ESRRB: variants seen among roughly 807,000 people sequenced by gnomAD.
ESRRB encodes the protein steroid hormone receptor ERR2.
In ESRRB, 16 loss-of-function variants were observed where a neutral mutation model predicts 46.0. The observed-to-expected ratio is 0.35, with a 90% CI of 0.24 to 0.53. The LOEUF is 0.53. Ranked by LOEUF, ESRRB falls within the 20% of genes least tolerant of loss-of-function variation. The probability of loss-of-function intolerance (pLI) is 0.93; values close to 1 mark genes in which losing one functional copy is unlikely to be tolerated. For synonymous variants in ESRRB, 246 were observed against 259.6 expected, an observed-to-expected ratio of 0.95 and a Z score of 0.50; for missense variants, 488 against 607.4, an observed-to-expected ratio of 0.80 and a Z score of 2.07.
chr14:76,317,659 G>A (rs1486768951), intron 1 of ESRRB, among the ~76,000 whole-genome samples: 6 of 152,158 alleles, frequency 3.9e-5, no homozygotes, highest in South Asian at 2.1e-4. Context: ...CGCGGGCTCC[G>A]GTAGTCGGAA....
intron 2 of ESRRB, among the ~76,000 whole-genome samples, chr14:76,447,250 CTT>C (rs1888188073): frequency 4.4e-5 from 2 of 45,532 alleles, no homozygotes; most frequent in East Asian, 4.9e-4. Flanking sequence ...AGTCTCCTTC[CTT>C]CCTTCCTTCC....
intron 1 of ESRRB, among the ~76,000 whole-genome samples, chr14:76,339,761 C>T (rs1228113524): frequency 1.3e-5 from 2 of 152,122 alleles, no homozygotes; most frequent in Non-Finnish European, 2.9e-5. Flanking sequence ...GGGGGCTCTC[C>T]CAGCTGCCTG....
intron 1 of ESRRB, among the ~76,000 whole-genome samples, chr14:76,362,396 T>C (rs1002627874): frequency 1.3e-5 from 2 of 152,204 alleles, no homozygotes; most frequent in African/African-American, 2.4e-5. Flanking sequence ...TCATACCTGA[T>C]TTGAAATCCA....
At chr14:76,440,547 A>ACCTTCCTT (rs112136509) in intron 2 of ESRRB, among the ~76,000 whole-genome samples, 10,121 of 151,068 alleles carry the variant, frequency 0.067, 354 homozygotes, top group South Asian at 0.099. Context: ...TTTAAGACCG[A>ACCTTCCTT]CCTTCCTTCA....
At chr14:76,400,208 G>A (rs190730469) in intron 1 of ESRRB, among the ~76,000 whole-genome samples, 3 of 152,304 alleles carry the variant, frequency 2.0e-5, no homozygotes, top group Admixed American at 6.5e-5. Context: ...TGGGTACTTC[G>A]TGTACTGCCG....
chr14:76,334,671 C>T (rs922107983), intron 1 of ESRRB, among the ~76,000 whole-genome samples: 1 of 152,210 alleles, frequency 6.6e-6, no homozygotes, highest in African/African-American at 2.4e-5. Context: ...GCCCCGAAGA[C>T]ATTAAAGATG....
intron 2 of ESRRB, among the ~76,000 whole-genome samples, chr14:76,458,846 T>C (rs1888731793): frequency 6.8e-6 from 1 of 146,134 alleles, no homozygotes. Context: ...TCTCCTTTTT[T>C]TTTTTTTTTT....
At chr14:76,373,891 T>G (rs1884681271), upstream of ESRRB, among the ~76,000 whole-genome samples, 3 of 152,322 alleles carry the variant, frequency 2.0e-5, no homozygotes, top group South Asian at 6.2e-4. Context: ...GACCCCACTT[T>G]CTCCTCATTT....
chr14:76,469,929 G>GTTTTTTTTTTTTTT (rs769935944), intron 3 of ESRRB, among the ~76,000 whole-genome samples: 21 of 78,718 alleles, frequency 2.7e-4, no homozygotes, highest in South Asian at 9.8e-4. Flanking sequence ...GTTTTTTGTT[G>GTTTTTTTTTTTTTT]TTTTTTTTTT....
At chr14:76,343,652 G>A (rs888524713) in intron 1 of ESRRB, among the ~76,000 whole-genome samples, 9 of 152,214 alleles carry the variant, frequency 5.9e-5, no homozygotes, top group African/African-American at 1.9e-4. Flanking sequence ...GCCCCTCCAC[G>A]GGGCTGCTTG....
At chr14:76,357,967 G>A (rs1365813094) in intron 1 of ESRRB, among the ~76,000 whole-genome samples, 2 of 152,056 alleles carry the variant, frequency 1.3e-5, no homozygotes, top group African/African-American at 4.8e-5. Context: ...GACTAGGATA[G>A]TAACTTTCTT....
rs370518268 is a variant in ESRRB at position 76,442,483 on chromosome 14, A to T, written c.460+2733A>T. ...AGAGCAAGATCCCGTCTCAAAAAAAAATAATAAAACTTTAAAAAATAAAAA... is the reference window on the plus strand; with the variant it reads ...AGAGCAAGATCCCGTCTCAAAAAAATATAATAAAACTTTAAAAAATAAAAA... On this transcript the variant is annotated intron_variant, in intron 2 of 6. Coordinates refer to ENST00000644823, the MANE Select transcript of ESRRB (RefSeq NM_001379180.1). Among the ~76,000 whole-genome samples, 19 of 152,324 alleles carry T rather than the reference A, an allele frequency of 1.2e-4. No individual in the cohort carries two copies. The East Asian group carries it at 3.5e-3, about 28-fold the overall frequency.
At chr14:76,319,698 C>A (rs1360058291) in intron 1 of ESRRB, among the ~76,000 whole-genome samples, 2 of 152,098 alleles carry the variant, frequency 1.3e-5, no homozygotes, top group African/African-American at 2.4e-5. Context: ...GATATGAGTC[C>A]CCGCAAGTTC....
chr14:76,347,761 G>A (rs1884268523), intron 1 of ESRRB, among the ~76,000 whole-genome samples: 1 of 56,354 alleles, frequency 1.8e-5, no homozygotes, highest in African/African-American at 6.0e-5. Flanking sequence ...CTCACCTTGA[G>A]GTCAAGGACT....
intron 1 of ESRRB, among the ~76,000 whole-genome samples, chr14:76,311,950 A>G (rs1290163949): frequency 6.8e-6 from 1 of 146,366 alleles, no homozygotes; most frequent in Non-Finnish European, 1.5e-5. Flanking sequence ...TAGAATTTAC[A>G]AAGGAAAAGT....
chr14:76,428,544 C>T (rs146602113), intron 1 of ESRRB, among the ~76,000 whole-genome samples: 1 of 152,194 alleles, frequency 6.6e-6, no homozygotes, highest in Non-Finnish European at 1.5e-5. Flanking sequence ...CTACCAGGTA[C>T]CATTGGGCCC....
chr14:76,325,953 C>T (rs1883924876), intron 1 of ESRRB, among the ~76,000 whole-genome samples: 2 of 152,318 alleles, frequency 1.3e-5, no homozygotes, highest in Non-Finnish European at 2.9e-5. Flanking sequence ...CTGCAGCCCC[C>T]CAGCCCTATG....
chr14:76,497,768 C>T (rs1221570433), intron 6 of ESRRB, among the ~76,000 whole-genome samples: 1 of 152,088 alleles, frequency 6.6e-6, no homozygotes, highest in African/African-American at 2.4e-5. Context: ...GGGGTGATAC[C>T]GCTACCAGGG....
At chr14:76,462,437 G>A (rs1259834851) in intron 2 of ESRRB, 108 bp from the exon 3 acceptor site, 15 of 775,870 alleles carry the variant, frequency 1.9e-5, no homozygotes, top group Non-Finnish European at 3.3e-5. Context: ...ACACTAGGGG[G>A]GAGTGGCAGC....
Sources: allele counts gnomAD v4.1 joint callset (sites outside exome capture counted in the v4.1 genomes callset), GRCh38; gene constraint gnomAD v4.1.1; transcripts MANE v1.5; gene names NCBI Gene and HGNC (gene_info 2026-07-23, HGNC 2026-07-21).